Variants in FBLN1 observed in about 807,000 individuals in gnomAD.
FBLN1 encodes fibulin-1.
FBLN1 carries 34 observed loss-of-function variants against 89.7 expected under a neutral mutation model. That is an observed-to-expected ratio of 0.38 (90% CI 0.29 to 0.50). The LOEUF (loss-of-function observed/expected upper bound fraction) is 0.50, where lower values mean the gene tolerates loss of function less well. Ranked by LOEUF, FBLN1 falls within the 20% of genes least tolerant of loss-of-function variation. The probability of loss-of-function intolerance (pLI) is 0.92; values close to 1 mark genes in which losing one functional copy is unlikely to be tolerated. For missense variants in FBLN1, 777 were observed against 988.1 expected (o/e 0.79, Z 2.86); for synonymous variants, 393 against 391.3 (o/e 1.00, Z -0.05).
At chr22:45,539,315 C>CT (rs2088524779) in intron 8 of FBLN1, among the ~76,000 whole-genome samples, 1 of 149,496 alleles carries the variant, frequency 6.7e-6, no homozygotes. Context: ...GTTCTCCTGT[C>CT]TCAGCCTCCC....
At chr22:45,543,616 G>T (rs16994215) in intron 11 of FBLN1, 90 bp downstream of exon 11, 3 of 1,490,258 alleles carry the variant, frequency 2.0e-6, no homozygotes, top group Non-Finnish European at 2.7e-6. Context: ...CAGCAGATCC[G>T]CGATGGTTTC....
chr22:45,590,833 T>G lies in FBLN1; in HGVS notation c.1973-9474T>G, dbSNP rs1316169119. 6.6e-6 allele frequency among the ~76,000 whole-genome samples: 1 copy of G among 151,204 alleles called. No individual in the cohort carries two copies. The highest frequency in any genetic ancestry group is 1.5e-5 in the Non-Finnish European group (1 of 67,766). On this transcript the variant is annotated intron_variant, in intron 16 of 16. Coordinates refer to ENST00000327858, the MANE Select transcript of FBLN1 (RefSeq NM_006486.3). The surrounding 1 kb of genome is among the most constrained non-coding windows in gnomAD (Gnocchi z 4.1). ...GGGGTAGGGGAGGAAGGGAAGTGGG[T>G]TTAAGGGAGGAGGGTAGGTCAGTGT...
In FBLN1 at chr22:45,541,350, C is replaced by A. The variant is rs371525599; in HGVS notation, c.1044C>A (p.Asn348Lys). Residue 348 changes from asparagine to lysine, a missense_variant, in exon 9 of 17, where the codon AAC becomes AAA. Asn to Lys is a moderately conservative substitution (Grantham distance 94). Transcript: ENST00000327858. ...VPNCGRGYHL[N>K]EEGTRCVDVD... is the part of the protein sequence containing the mutation. ...ACTGTGGCCGTGGCTACCATCTCAA[C>A]GAGGAGGGAACGCGCTGTGTTGGTT... The A allele has an allele frequency of 1.9e-6, 3 of 1,614,108 alleles. No homozygotes were observed. The highest frequency in any genetic ancestry group is 2.5e-6 in the Non-Finnish European group (3 of 1,180,046).
intron 9 of FBLN1, 99 bp from the exon 10 acceptor site, chr22:45,542,056 A>T: frequency 6.4e-7 from 1 of 1,563,960 alleles, no homozygotes; most frequent in Non-Finnish European, 8.8e-7. Context: ...GCCTGTTTCC[A>T]TGTCCATGTG....
chr22:45,546,572 A>G (rs1338083325), intron 11 of FBLN1, among the ~76,000 whole-genome samples: 2 of 152,254 alleles, frequency 1.3e-5, no homozygotes, highest in Non-Finnish European at 2.9e-5. Flanking sequence ...AATTTGGCCC[A>G]TAGACTATGA....
chr22:45,523,930 T>C (rs1268059876), intron 2 of FBLN1, among the ~76,000 whole-genome samples: 1 of 152,188 alleles, frequency 6.6e-6, no homozygotes, highest in African/African-American at 2.4e-5. Context: ...CATCTCCACA[T>C]CCTCACCAAC....
chr22:45,507,567 G>A (rs188838277), intron 1 of FBLN1, among the ~76,000 whole-genome samples: 65 of 152,036 alleles, frequency 4.3e-4, no homozygotes, highest in African/African-American at 1.5e-3. Context: ...TCACTCTGCC[G>A]GCCAGGCTGG....
In FBLN1 at chr22:45,563,185, C is replaced by A. The variant is rs370127098; in HGVS notation, c.1698-11326C>A. On this transcript the variant is annotated intron_variant, in intron 14 of 16. Transcript: ENST00000327858. This position sits in a 1 kb window ranked among gnomAD's most constrained non-coding sequence, Gnocchi z 5.7. ...CCGAGCCCAGGGACTTGCTCCTGAC[C>A]GTCAAGATGGATCTCTCTCGCCACG... 5 of 1,613,634 alleles carry A rather than the reference C, an allele frequency of 3.1e-6. No homozygotes were observed. In the Admixed American group the frequency reaches 5.0e-5, roughly 16 times the overall value.
intron 6 of FBLN1, among the ~76,000 whole-genome samples, chr22:45,533,374 G>A (rs1284685872): frequency 6.6e-6 from 1 of 152,234 alleles, no homozygotes; most frequent in Non-Finnish European, 1.5e-5. Context: ...AAGCACTGGG[G>A]TTGGGAAAGA....
rs563198678 is a variant in FBLN1, at chr22:45,599,865, C to T, written c.1973-442C>T. On this transcript the variant is annotated intron_variant, in intron 16 of 16. Transcript: ENST00000327858. ...CCGGGAGGTGGACGTTGCAATGAGC[C>T]GAGATCACGCCATTGCACTCCAGCC... is the stretch of plus-strand genomic sequence containing the variant. Among the ~76,000 whole-genome samples the T allele has an allele frequency of 1.4e-4, 21 of 152,242 alleles. No individual in the cohort carries two copies. In the East Asian group the frequency reaches 2.9e-3, roughly 21 times the overall value.
Position 45,569,199 on chromosome 22 carries a change from T to TCC in FBLN1, c.1698-5305_1698-5304dup, listed in dbSNP as rs112066315. On this transcript the variant is annotated intron_variant, in intron 14 of 16. Transcript: ENST00000327858. Reference sequence around the variant, plus strand: ...AGAAAGTGTTAGGGGCTGAATTGTGTCCCCCCCCAAATTCATATGTTGAAT... The same window carrying TCC: ...AGAAAGTGTTAGGGGCTGAATTGTGTCCCCCCCCCCAAATTCATATGTTGAAT... Among the ~76,000 whole-genome samples, 291 of 151,596 alleles carry TCC rather than the reference T, an allele frequency of 1.9e-3. 1 individual carries two copies. Among genetic ancestry groups the TCC allele is most frequent in the African/African-American group, 6.7e-3 (275 of 41,256 alleles).
At chr22:45,534,454 G>A (rs980417856) in intron 7 of FBLN1, among the ~76,000 whole-genome samples, 16 of 152,092 alleles carry the variant, frequency 1.1e-4, no homozygotes, top group African/African-American at 1.9e-4. Context: ...GCCTTTCCCC[G>A]CCAAGCCTTA....
chr22:45,503,859 G>A (rs2087981856), intron 1 of FBLN1, among the ~76,000 whole-genome samples: 1 of 152,170 alleles, frequency 6.6e-6, no homozygotes, highest in Non-Finnish European at 1.5e-5. Context: ...ACAGCTCCGG[G>A]ACAGTGCCCA....
intron 1 of FBLN1, among the ~76,000 whole-genome samples, chr22:45,505,341 C>G (rs1016951156): frequency 6.6e-6 from 1 of 152,222 alleles, no homozygotes; most frequent in African/African-American, 2.4e-5. Context: ...GGCTTGAAAA[C>G]GTGTGGTCTG....
intron 8 of FBLN1, among the ~76,000 whole-genome samples, chr22:45,538,734 C>T (rs1319784270): frequency 6.6e-6 from 1 of 152,148 alleles, no homozygotes; most frequent in African/African-American, 2.4e-5. Flanking sequence ...GGTACCCGCT[C>T]CCTCACCCAG....
intron 2 of FBLN1, among the ~76,000 whole-genome samples, chr22:45,523,561 G>A (rs1023239592): frequency 6.6e-6 from 1 of 152,142 alleles, no homozygotes; most frequent in Non-Finnish European, 1.5e-5. Context: ...AAAATTAGCT[G>A]GGCATGGTGG....
intron 11 of FBLN1, among the ~76,000 whole-genome samples, chr22:45,544,316 A>G (rs1315651709): frequency 6.6e-6 from 1 of 152,082 alleles, no homozygotes; most frequent in Non-Finnish European, 1.5e-5. Flanking sequence ...TGAACTCCTG[A>G]CCTCAGATGA....
intron 4 of FBLN1, 94 bp downstream of exon 4, chr22:45,528,103 A>G (rs2088355298): frequency 1.4e-6 from 2 of 1,438,042 alleles, no homozygotes; most frequent in African/African-American, 3.4e-5. Context: ...GATTTTAAGG[A>G]CTTGGCTCAT....
intron 14 of FBLN1, among the ~76,000 whole-genome samples, chr22:45,560,781 T>A (rs1281222597): frequency 6.6e-6 from 1 of 152,154 alleles, no homozygotes; most frequent in Non-Finnish European, 1.5e-5. Flanking sequence ...TGGGTCACAC[T>A]CTCAACCTCA....
Sources: allele counts gnomAD v4.1 joint callset (sites outside exome capture counted in the v4.1 genomes callset), GRCh38; gene constraint gnomAD v4.1.1; non-coding constraint Gnocchi (gnomAD v3.1); transcripts MANE v1.5; gene names NCBI Gene and HGNC (gene_info 2026-07-23, HGNC 2026-07-21).